Variants in NSL1 observed in about 807,000 individuals in gnomAD.
NSL1 encodes NSL1 component of MIS12 kinetochore complex.
A neutral mutation model predicts 25.4 loss-of-function variants in NSL1; 11 were observed. That is an observed-to-expected ratio of 0.43 (90% CI 0.27 to 0.72). The LOEUF is 0.72. NSL1 is among the 30% of genes least tolerant of loss of function. NSL1 has a pLI of 0.19. For synonymous variants in NSL1, 118 were observed against 120.6 expected, an observed-to-expected ratio of 0.98 and a Z score of 0.14; for missense variants, 330 against 342.7, an observed-to-expected ratio of 0.96 and a Z score of 0.29.
chr1:212,739,430 G>T, intron 5 of NSL1, 104 bp downstream of exon 5: 1 of 1,003,696 alleles, frequency 1.0e-6, no homozygotes, highest in Non-Finnish European at 1.5e-6. Context: ...AAGGACCGCT[G>T]AGAATTCCTG....
At chr1:212,779,556 T>G (rs1276979763) in intron 4 of NSL1, among the ~76,000 whole-genome samples, 8 of 58,788 alleles carry the variant, frequency 1.4e-4, no homozygotes, top group Non-Finnish European at 2.0e-4. Context: ...GGGAGGGAGG[T>G]GGGGGTGTCA....
chr1:212,785,510 G>C (rs1004093140), intron 2 of NSL1, among the ~76,000 whole-genome samples: 1 of 151,842 alleles, frequency 6.6e-6, no homozygotes, highest in African/African-American at 2.4e-5. Context: ...CCCACAACAG[G>C]CTCCAGTGTG....
chr1:212,787,463 A>T, intron 2 of NSL1, 96 bp downstream of exon 2: 1 of 768,848 alleles, frequency 1.3e-6, no homozygotes, highest in Non-Finnish European at 2.1e-6. Flanking sequence ...TTGAAAATAA[A>T]TGACACTAAA....
chr1:212,764,331 A>G (rs1659701588), intron 4 of NSL1, among the ~76,000 whole-genome samples: 1 of 152,244 alleles, frequency 6.6e-6, no homozygotes, highest in African/African-American at 2.4e-5. Context: ...ACCCTGAAAT[A>G]GCACAGACAA....
intron 4 of NSL1, among the ~76,000 whole-genome samples, chr1:212,776,494 C>T (rs1042202187): frequency 5.9e-5 from 9 of 151,830 alleles, no homozygotes; most frequent in Non-Finnish European, 8.8e-5. Context: ...GTCAAGACTG[C>T]AGTGAGGCTG....
chr1:212,781,014 A>C (rs1660709949), intron 4 of NSL1, among the ~76,000 whole-genome samples: 1 of 152,214 alleles, frequency 6.6e-6, no homozygotes, highest in South Asian at 2.1e-4. Flanking sequence ...GACTTGGCCA[A>C]AGATATAAAG....
intron 1 of NSL1, among the ~76,000 whole-genome samples, chr1:212,788,865 A>G (rs11120027): frequency 0.31 from 47,895 of 152,136 alleles, 8,731 homozygotes; most frequent in Non-Finnish European, 0.4. Context: ...GGTTTCAAAA[A>G]AGGCAGGTCA....
chr1:212,737,827 C>CA lies in NSL1; in HGVS notation c.*580dup, dbSNP rs1427900571. On this transcript the variant is annotated 3_prime_UTR_variant, in exon 6 of 6. Transcript: ENST00000366977. ...TAATAGTTATCATTGTCTTACACAACAAAAAATCCTAAAGTTAATCTCACA... is the reference window on the plus strand; with the variant it reads ...TAATAGTTATCATTGTCTTACACAACAAAAAAATCCTAAAGTTAATCTCACA... The CA allele has an allele frequency of 5.1e-6, 5 of 985,108 alleles. No homozygotes were observed. Among genetic ancestry groups the CA allele is most frequent in the Non-Finnish European group, 6.0e-6 (5 of 829,876 alleles). 61.0% of individuals were successfully genotyped at this position (985,108 alleles called of 1,614,324 possible).
chr1:212,728,458 T>C lies in NSL1; in HGVS notation c.*9950A>G, dbSNP rs148352970. 5,895 of 985,452 alleles carry C rather than the reference T, an allele frequency of 6.0e-3. 31 individuals are homozygous for C. Among genetic ancestry groups the C allele is most frequent in the South Asian group, 8.4e-3 (178 of 21,286 alleles). 61.0% of individuals were successfully genotyped at this position (985,452 alleles called of 1,614,324 possible). On this transcript the variant is annotated 3_prime_UTR_variant, in exon 6 of 6. Transcript: ENST00000366977. Reference sequence around the variant, plus strand: ...CAATCTCTTCCTTTTCTTTGGGTAATCTTTTATCTTGAACTACCAAGAGTA... The same window carrying C: ...CAATCTCTTCCTTTTCTTTGGGTAACCTTTTATCTTGAACTACCAAGAGTA...
intron 4 of NSL1, among the ~76,000 whole-genome samples, chr1:212,768,807 G>C (rs1053364852): frequency 6.6e-6 from 1 of 152,088 alleles, no homozygotes; most frequent in African/African-American, 2.4e-5. Context: ...TAAAACCTCA[G>C]AAATCACCAC....
intron 4 of NSL1, among the ~76,000 whole-genome samples, chr1:212,770,005 G>T (rs1660027398): frequency 6.6e-6 from 1 of 151,984 alleles, no homozygotes; most frequent in Admixed American, 6.6e-5. Context: ...AATGGAAAAA[G>T]ATACTCCACA....
At chr1:212,743,294 A>G (rs1335423875) in intron 4 of NSL1, among the ~76,000 whole-genome samples, 1 of 152,022 alleles carries the variant, frequency 6.6e-6, no homozygotes, top group Non-Finnish European at 1.5e-5. Context: ...CCTCCTGAGT[A>G]GCTGGGACTA....
At chr1:212,787,733 G>T in intron 1 of NSL1, 96 bp from the exon 2 acceptor site, 1 of 687,916 alleles carries the variant, frequency 1.5e-6, no homozygotes, top group Non-Finnish European at 2.4e-6. Context: ...TTGTGACAGA[G>T]GAAATAAAAG....
chr1:212,729,150 A>G lies in NSL1; in HGVS notation c.*9258T>C, dbSNP rs1657906337. 1.0e-6 allele frequency: 1 copy of G among 985,348 alleles called. No individual in the cohort carries two copies. Among genetic ancestry groups the G allele is most frequent in the Admixed American group, 6.1e-5 (1 of 16,270 alleles). 61.0% of individuals were successfully genotyped at this position (985,348 alleles called of 1,614,324 possible). On this transcript the variant is annotated 3_prime_UTR_variant, in exon 6 of 6. Transcript: ENST00000366977. ...TCCATCGTAGTTTCTAAAACCAGAC[A>G]AAATCATTTCTTGCAAGCAGGTAAT...
intron 4 of NSL1, among the ~76,000 whole-genome samples, chr1:212,779,253 T>TG (rs1660553718): frequency 8.7e-6 from 1 of 114,312 alleles, no homozygotes; most frequent in African/African-American, 3.5e-5. Context: ...TCAGCCCCCC[T>TG]CCCGGCCAGC....
chr1:212,748,724 G>A (rs780438995), intron 4 of NSL1, among the ~76,000 whole-genome samples: 1 of 152,190 alleles, frequency 6.6e-6, no homozygotes, highest in African/African-American at 2.4e-5. Context: ...AGGGGTATGG[G>A]AAACATTTTG....
In NSL1 at chr1:212,728,746, C is replaced by T. The variant is rs929675575; in HGVS notation, c.*9662G>A. On this transcript the variant is annotated 3_prime_UTR_variant, in exon 6 of 6. Transcript: ENST00000366977. ...CAACATCAGGGATAAACCTGATCAC[C>T]GTCCCCTTTGTTGCCACATCTCGCA... 2.0e-6 allele frequency: 2 copies of T among 985,276 alleles called. No homozygotes were observed. Among genetic ancestry groups the T allele is most frequent in the East Asian group, 1.1e-4 (1 of 8,828 alleles). The allele number at this position is 985,276 out of a possible 1,614,324, so 61.0% of individuals were successfully genotyped here. A position where few individuals can be genotyped will look rare whatever the true frequency, so the allele number is the denominator to read the frequency against.
In NSL1 at chr1:212,731,011, C is replaced by T. The variant is rs146904919; in HGVS notation, c.*7397G>A. ...TATGAGCAATGTAGAGACACAGCAA[C>T]GAATTACAAGGGATTCTTTACCCCT... On this transcript the variant is annotated 3_prime_UTR_variant, in exon 6 of 6. Coordinates refer to ENST00000366977, the MANE Select transcript of NSL1 (RefSeq NM_015471.4). 2.0e-5 allele frequency: 20 copies of T among 985,286 alleles called. No homozygotes were observed. The highest frequency in any genetic ancestry group is 1.1e-4 in the East Asian group (1 of 8,818). The allele number at this position is 985,286 out of a possible 1,614,324, so 61.0% of individuals were successfully genotyped here. A position where few individuals can be genotyped will look rare whatever the true frequency, so the allele number is the denominator to read the frequency against.
At chr1:212,758,297 C>T (rs1558049252) in intron 4 of NSL1, among the ~76,000 whole-genome samples, 1 of 152,142 alleles carries the variant, frequency 6.6e-6, no homozygotes, top group Non-Finnish European at 1.5e-5. Flanking sequence ...GAATGGTAAT[C>T]AGATTCTCAA....
Sources: gnomAD v4.1 joint callset for allele counts (sites outside exome capture counted in the v4.1 genomes callset) on GRCh38, gnomAD v4.1.1 for gene constraint, MANE v1.5 for transcripts, NCBI Gene and HGNC (gene_info 2026-07-23, HGNC 2026-07-21) for gene names.